Variants in SEM1 observed in about 807,000 individuals in gnomAD.
The protein encoded by SEM1 is SEM1 26S proteasome subunit.
A neutral mutation model predicts 12.7 loss-of-function variants in SEM1; 3 were observed. The observed-to-expected ratio is 0.24, with a 90% CI of 0.11 to 0.61. The LOEUF (loss-of-function observed/expected upper bound fraction) is 0.61, where lower values mean the gene tolerates loss of function less well. Among genes scored for constraint, SEM1 ranks in the 20% least tolerant of loss-of-function variants. SEM1 has a pLI of 0.88. For missense variants in SEM1, 59 were observed against 81.3 expected (o/e 0.73, Z 1.06); for synonymous variants, 30 against 27.8 (o/e 1.08, Z -0.25).
chr7:96,693,951 T>C (rs1389024119), intron 2 of SEM1, among the ~76,000 whole-genome samples: 13 of 151,986 alleles, frequency 8.6e-5, no homozygotes, highest in Admixed American at 7.9e-4. Flanking sequence ...CATATCCATA[T>C]AGTATTATTA....
intron 2 of SEM1, among the ~76,000 whole-genome samples, chr7:96,635,214 C>G (rs139587927): frequency 1.3e-5 from 2 of 151,992 alleles, no homozygotes; most frequent in African/African-American, 4.8e-5. Flanking sequence ...GTGCATGATA[C>G]TAAGAAGACT....
At chr7:96,499,323 T>C (rs1408529037), upstream of SEM1, among the ~76,000 whole-genome samples, 1 of 152,166 alleles carries the variant, frequency 6.6e-6, no homozygotes, top group Non-Finnish European at 1.5e-5. Context: ...GAGTGACCAT[T>C]TCAGGTCACA....
chr7:96,638,389 T>C (rs1251664959), intron 2 of SEM1, among the ~76,000 whole-genome samples: 1 of 152,064 alleles, frequency 6.6e-6, no homozygotes, highest in African/African-American at 2.4e-5. Context: ...TTCTAATTCT[T>C]ACTTTACATT....
chr7:96,618,716 T>G (rs1917483), downstream of SEM1, among the ~76,000 whole-genome samples: 11,771 of 152,100 alleles, frequency 0.077, 634 homozygotes, highest in African/African-American at 0.16. Flanking sequence ...CAATTAATCT[T>G]TTATTTCTAG....
intron 2 of SEM1, among the ~76,000 whole-genome samples, chr7:96,634,692 A>T (rs999846845): frequency 1.3e-5 from 2 of 151,736 alleles, no homozygotes; most frequent in African/African-American, 4.8e-5. Flanking sequence ...TGATAAGTGA[A>T]TGGCTAGAAG....
At chr7:96,495,399 T>G (rs964289164) in intron 1 of SEM1, among the ~76,000 whole-genome samples, 3 of 152,198 alleles carry the variant, frequency 2.0e-5, no homozygotes, top group African/African-American at 7.2e-5. Context: ...CTGATACTCT[T>G]CTAATTCCTG....
At chr7:96,636,623 A>G (rs1808436292) in intron 2 of SEM1, among the ~76,000 whole-genome samples, 1 of 152,082 alleles carries the variant, frequency 6.6e-6, no homozygotes, top group Non-Finnish European at 1.5e-5. Flanking sequence ...TGTCTCAATC[A>G]CCACAGGAAA....
intron 2 of SEM1, among the ~76,000 whole-genome samples, chr7:96,588,550 C>T (rs955146892): frequency 6.6e-6 from 1 of 151,996 alleles, no homozygotes; most frequent in Non-Finnish European, 1.5e-5. Flanking sequence ...TCTTTTCTTT[C>T]CATTTTGAAC....
intron 2 of SEM1, among the ~76,000 whole-genome samples, chr7:96,531,718 A>G (rs937338683): frequency 6.6e-6 from 1 of 152,138 alleles, no homozygotes; most frequent in Non-Finnish European, 1.5e-5. Context: ...CAGAACATGT[A>G]GATGCTCAGT....
At chr7:96,496,845 C>CA (rs1803290690), upstream of SEM1, among the ~76,000 whole-genome samples, 1 of 152,012 alleles carries the variant, frequency 6.6e-6, no homozygotes, top group Non-Finnish European at 1.5e-5. Flanking sequence ...CTGAATTCCT[C>CA]AATTTCCCTT....
rs780571170 is a variant in SEM1, at chr7:96,552,854, C to T, written c.171-46156G>A. 2.8e-3 allele frequency among the ~76,000 whole-genome samples: 416 copies of T among 150,238 alleles called. 1 individual carries two copies. Among genetic ancestry groups the T allele is most frequent in the Non-Finnish European group, 4.2e-3 (285 of 67,150 alleles). On this transcript the variant is annotated intron_variant and NMD_transcript_variant, in intron 2 of 3. Transcript: ENST00000466986. ...TATTTCTCCACATCCTCTCCAGCAC[C>T]TGTTGTTTCCTGACTTTTTAATGAT... is the stretch of plus-strand genomic sequence containing the variant.
intron 2 of SEM1, among the ~76,000 whole-genome samples, chr7:96,550,577 G>C (rs1805237554): frequency 6.6e-6 from 1 of 152,162 alleles, no homozygotes; most frequent in African/African-American, 2.4e-5. Context: ...AATCAATTAT[G>C]AAGTGTGTTG....
At chr7:96,662,988 TTGAG>T (rs1052104616) in intron 2 of SEM1, among the ~76,000 whole-genome samples, 3 of 152,302 alleles carry the variant, frequency 2.0e-5, no homozygotes, top group African/African-American at 7.2e-5. Context: ...TGAACACATA[TTGAG>T]TATTAGATGA....
intron 2 of SEM1, among the ~76,000 whole-genome samples, chr7:96,553,247 T>A (rs1235786003): frequency 1.3e-5 from 2 of 151,078 alleles, no homozygotes; most frequent in Non-Finnish European, 3.0e-5. Flanking sequence ...GCTTTTGGTG[T>A]TTTAGACATG....
chr7:96,486,364 C>A, exon 2 of SEM1: 2 of 1,537,050 alleles, frequency 1.3e-6, no homozygotes, highest in Non-Finnish European at 1.7e-6. Flanking sequence ...TTATGCCATG[C>A]TTTCTTCCCA....
Position 96,551,629 on chromosome 7 carries a change from T to C in SEM1, c.171-44931A>G, listed in dbSNP as rs187038911. Among the ~76,000 whole-genome samples, 691 of 144,670 alleles carry C rather than the reference T, an allele frequency of 4.8e-3. 1 individual carries two copies. Among genetic ancestry groups the C allele is most frequent in the Admixed American group, 0.012 (163 of 13,754 alleles). 94.9% of individuals were successfully genotyped at this position (144,670 alleles called of 152,430 possible). On this transcript the variant is annotated intron_variant and NMD_transcript_variant, in intron 2 of 3. Coordinates refer to the SEM1 transcript ENST00000466986. ...CCGAGGCAAGAGAATTGCTTGAAACTGGGAGGCGGAGGTTGCAGTGAGCCA... is the reference window on the plus strand; with the variant it reads ...CCGAGGCAAGAGAATTGCTTGAAACCGGGAGGCGGAGGTTGCAGTGAGCCA...
Position 96,622,615 on chromosome 7 carries a change from G to A in SEM1, c.*1C>T, listed in dbSNP as rs185854608. 3,226 of 764,712 alleles carry A rather than the reference G, an allele frequency of 4.2e-3. 9 individuals carry two copies. The highest frequency in any genetic ancestry group is 7.2e-3 in the Middle Eastern group (32 of 4,440). 47.4% of individuals were successfully genotyped at this position (764,712 alleles called of 1,614,324 possible). On this transcript the variant is annotated 3_prime_UTR_variant, in exon 3 of 3. Coordinates refer to the SEM1 transcript ENST00000417009. Reference sequence around the variant, plus strand: ...CTCCTGAGTATTGGCAATTCTCCCCGCTATTCCTCCAGTTCACTGTATCCA... The same window carrying A: ...CTCCTGAGTATTGGCAATTCTCCCCACTATTCCTCCAGTTCACTGTATCCA...
intron 2 of SEM1, among the ~76,000 whole-genome samples, chr7:96,631,817 C>T (rs1328259838): frequency 6.6e-6 from 1 of 152,036 alleles, no homozygotes; most frequent in Non-Finnish European, 1.5e-5. Context: ...TGACAAAGGG[C>T]TAATATCCAG....
chr7:96,517,450 T>C (rs1804131110), intron 2 of SEM1, among the ~76,000 whole-genome samples: 1 of 152,186 alleles, frequency 6.6e-6, no homozygotes, highest in Admixed American at 6.5e-5. Context: ...TGTCCCTTTC[T>C]CTACATTCTT....
Sources: allele counts gnomAD v4.1 joint callset (sites outside exome capture counted in the v4.1 genomes callset), GRCh38; gene constraint gnomAD v4.1.1; transcripts MANE v1.5; gene names NCBI Gene and HGNC (gene_info 2026-07-23, HGNC 2026-07-21).